CUBN: variants seen among roughly 807,000 people sequenced by gnomAD.
CUBN encodes the protein cubilin, also known as 460 kDa receptor.
A neutral mutation model predicts 405.3 loss-of-function variants in CUBN; 282 were observed. The ratio of observed to expected loss-of-function variants is 0.70; its 90% CI spans 0.63 to 0.77. The LOEUF is 0.77. Among genes scored for constraint, CUBN ranks in the 30% least tolerant of loss-of-function variants. The pLI, the probability that CUBN is intolerant of heterozygous loss-of-function variation, is 0.00. For missense variants in CUBN, 4,514 were observed against 4,475.2 expected (o/e 1.01, Z -0.25); for synonymous variants, 1,684 against 1,617.0 (o/e 1.04, Z -0.99).
At chr10:16,853,505 G>A (rs1460062290) in intron 59 of CUBN, among the ~76,000 whole-genome samples, 6 of 152,178 alleles carry the variant, frequency 3.9e-5, no homozygotes, top group African/African-American at 7.2e-5. Flanking sequence ...GATAGCAAAC[G>A]TGCAGGGTGA....
chr10:16,867,697 T>C (rs1840226855), intron 59 of CUBN, among the ~76,000 whole-genome samples: 2 of 152,318 alleles, frequency 1.3e-5, no homozygotes, highest in African/African-American at 2.4e-5. Context: ...TCCCTAACTG[T>C]GGCCAGAGGA....
intron 51 of CUBN, among the ~76,000 whole-genome samples, 181 bp from the exon 52 acceptor site, chr10:16,901,640 G>T (rs1050225385): frequency 6.6e-6 from 1 of 151,958 alleles, no homozygotes; most frequent in Non-Finnish European, 1.5e-5. Context: ...AATCACCCGA[G>T]GTCAGGAGCT....
At chr10:16,953,940 A>G (rs1437511551) in intron 32 of CUBN, among the ~76,000 whole-genome samples, 1 of 144,984 alleles carries the variant, frequency 6.9e-6, no homozygotes, top group African/African-American at 2.6e-5. Context: ...GGGAACAAAG[A>G]AAGAAAAATA....
In CUBN at chr10:16,851,460, A is replaced by G. The variant is rs773178595; in HGVS notation, c.9455-17T>C. On this transcript the variant is annotated splice_polypyrimidine_tract_variant and intron_variant, in intron 59 of 66. Coordinates refer to ENST00000377833, the MANE Select transcript of CUBN (RefSeq NM_001081.4). The stretch of plus-strand genomic sequence containing the variant: ...GCTGAGGCCCTGCATTAAAACAAAG[A>G]CATCACTATGCAGACCAAACAGAAC... 6.2e-7 allele frequency: 1 copy of G among 1,611,312 alleles called. No individual in the cohort carries two copies. Among genetic ancestry groups the G allele is most frequent in the Admixed American group, 1.7e-5 (1 of 59,994 alleles).
chr10:16,993,815 A>C (rs754826371), intron 28 of CUBN, among the ~76,000 whole-genome samples: 3 of 151,984 alleles, frequency 2.0e-5, no homozygotes, highest in Non-Finnish European at 4.4e-5. Flanking sequence ...GAGAAATTTC[A>C]ATTTTATAAG....
chr10:17,040,756 A>T (rs1834999692), intron 27 of CUBN, among the ~76,000 whole-genome samples: 1 of 152,142 alleles, frequency 6.6e-6, no homozygotes, highest in Admixed American at 6.5e-5. Flanking sequence ...CCAACAAAAA[A>T]TAGAGGTTAT....
chr10:16,877,336 C>G (rs1457146417), intron 56 of CUBN, among the ~76,000 whole-genome samples: 1 of 152,158 alleles, frequency 6.6e-6, no homozygotes, highest in East Asian at 1.9e-4. Flanking sequence ...TGAAACAATT[C>G]AGAATTTCCT....
rs59564374 is a variant in CUBN, at chr10:17,090,826, T to TAAAAAAAA, written c.1766-2489_1766-2482dup. On this transcript the variant is annotated intron_variant, in intron 14 of 66. Coordinates refer to ENST00000377833, the MANE Select transcript of CUBN (RefSeq NM_001081.4). ...TGAGAGAAGAGGTAGAAATGTAAAG[T>TAAAAAAAA]AAAAAAAAAAAAAAAAAGCAACTCT... is the stretch of plus-strand genomic sequence containing the variant. Among the ~76,000 whole-genome samples the TAAAAAAAA allele has an allele frequency of 5.3e-5, 5 of 94,014 alleles. 1 individual carries two copies. Among genetic ancestry groups the TAAAAAAAA allele is most frequent in the African/African-American group, 9.6e-5 (3 of 31,360 alleles). The allele number at this position is 94,014 out of a possible 152,430, so 61.7% of individuals were successfully genotyped here. A position where few individuals can be genotyped will look rare whatever the true frequency, so the allele number is the denominator to read the frequency against.
chr10:16,830,428 C>T (rs1391167640), intron 65 of CUBN, among the ~76,000 whole-genome samples: 1 of 152,140 alleles, frequency 6.6e-6, no homozygotes, highest in Non-Finnish European at 1.5e-5. Flanking sequence ...AGGTATTCCT[C>T]CTCTCTTGAA....
At chr10:17,052,573 A>G (rs144405507) in intron 22 of CUBN, among the ~76,000 whole-genome samples, 5,675 of 151,748 alleles carry the variant, frequency 0.037, 252 homozygotes, top group South Asian at 0.23. Flanking sequence ...CCTGGCCAAC[A>G]TGGTGAAACC....
In CUBN at chr10:16,890,444, T is replaced by C. The variant is rs1225471293; in HGVS notation, c.8682A>G (p.Pro2894=). The C allele has an allele frequency of 3.1e-6, 5 of 1,614,148 alleles. No individual in the cohort carries two copies. Among genetic ancestry groups the C allele is most frequent in the Non-Finnish European group, 3.4e-6 (4 of 1,180,010 alleles). ...GNVAPGPVIT[P]SNTFTAVFQS... ...GGAAGACGGCAGTGAATGTGTTACT[T>C]GGTGTGATAACGGGACCCGGAGCCA... Residue 2894 remains proline, a synonymous_variant, in exon 55 of 67, where the codon CCA becomes CCG. Transcript: ENST00000377833.
Position 17,103,219 on chromosome 10 carries a change from G to A in CUBN, c.1436C>T (p.Ser479Leu), listed in dbSNP as rs386833767. The A allele has an allele frequency of 1.9e-6, 3 of 1,611,534 alleles. No homozygotes were observed. The highest frequency in any genetic ancestry group is 2.5e-6 in the Non-Finnish European group (3 of 1,177,762). ...GTAGCTGAAGCTTCCATTTATTCCT[G>A]AGAGGGACTCTCCACAAACTGCAAA... is the stretch of plus-strand genomic sequence containing the variant. ...VPQQVCGESL[S>L]GINGSFSYRS... is the part of the protein sequence containing the mutation. The change falls in exon 13 of 67, where the codon TCA becomes TTA. Residue 479 changes from serine (S) to leucine (L), a missense_variant. Transcript: ENST00000377833.
chr10:17,005,402 A>C (rs1255370110), intron 28 of CUBN, among the ~76,000 whole-genome samples: 1 of 152,188 alleles, frequency 6.6e-6, no homozygotes, highest in Non-Finnish European at 1.5e-5. Context: ...AGAATTTCTT[A>C]ATCCCCCTAC....
chr10:17,017,057 G>A (rs1035217837), intron 28 of CUBN, among the ~76,000 whole-genome samples: 6 of 152,062 alleles, frequency 3.9e-5, no homozygotes, highest in Middle Eastern at 3.2e-3. Context: ...CAGGGTTTGC[G>A]GGTCAAATTG....
At chr10:17,053,711 C>A (rs773852138) in intron 22 of CUBN, among the ~76,000 whole-genome samples, 10 of 152,112 alleles carry the variant, frequency 6.6e-5, no homozygotes, top group Non-Finnish European at 1.3e-4. Context: ...GACCAACACT[C>A]AGCCGACTTA....
At chr10:16,996,001 A>G (rs941085252) in intron 28 of CUBN, among the ~76,000 whole-genome samples, 2 of 152,112 alleles carry the variant, frequency 1.3e-5, no homozygotes, top group Admixed American at 1.3e-4. Flanking sequence ...ACAAAACCCT[A>G]TTGTGACACC....
intron 59 of CUBN, among the ~76,000 whole-genome samples, chr10:16,859,724 A>G (rs1337046444): frequency 6.6e-6 from 1 of 152,232 alleles, no homozygotes; most frequent in East Asian, 1.9e-4. Context: ...AACATAAAAG[A>G]GAGGTCTTCC....
intron 54 of CUBN, among the ~76,000 whole-genome samples, chr10:16,894,449 T>C (rs1588627037): frequency 6.6e-6 from 1 of 152,202 alleles, no homozygotes; most frequent in African/African-American, 2.4e-5. Flanking sequence ...TCTAGTACCA[T>C]TTGTTGAAAA....
intron 40 of CUBN, among the ~76,000 whole-genome samples, chr10:16,932,760 A>G (rs1842395712): frequency 1.3e-5 from 2 of 152,190 alleles, no homozygotes; most frequent in South Asian, 4.1e-4. Context: ...AGCCAGAAAC[A>G]TAAAATATCA....
Sources: gnomAD v4.1 joint callset for allele counts (sites outside exome capture counted in the v4.1 genomes callset) on GRCh38, gnomAD v4.1.1 for gene constraint, MANE v1.5 for transcripts, NCBI Gene and HGNC (gene_info 2026-07-23, HGNC 2026-07-21) for gene names.